The following SLC18B1 variants were observed in gnomAD, a reference collection of about 807,000 sequenced individuals.
SLC18B1 encodes the protein solute carrier family 18 member B1, also known as MFS-type transporter SLC18B1.
Under a neutral mutation model 53.9 loss-of-function variants are expected in SLC18B1, and 62 were observed. The ratio of observed to expected loss-of-function variants is 1.15; its 90% confidence interval spans 0.94 to 1.42. The LOEUF (loss-of-function observed/expected upper bound fraction) is 1.42, where lower values mean the gene tolerates loss of function less well. Among genes scored for constraint, SLC18B1 ranks in the 40% most tolerant of loss-of-function variants. The pLI is 0.00. For synonymous variants in SLC18B1, 217 were observed against 200.9 expected (o/e 1.08, Z -0.68); for missense variants, 598 against 547.3 (o/e 1.09, Z -0.93).
Position 132,770,293 on chromosome 6 carries a change from T to A in SLC18B1, c.1348A>T (p.Thr450Ser). Reference sequence around the variant, plus strand: ...GACTAGGTTTCATTAGGCAAGAGAGTAGTTCGTTCCTCCTCTGTGCTGAGG... The same window carrying A: ...GACTAGGTTTCATTAGGCAAGAGAGAAGTTCGTTCCTCCTCTGTGCTGAGG... ...NILSTEEERTTLLPNET is the reference protein window; with the variant it reads ...NILSTEEERTSLLPNET The change falls in exon 14 of 14, where the codon ACT (threonine) becomes TCT (serine). Residue 450 changes from threonine (T) to serine (S), a missense_variant. Coordinates refer to ENST00000275227, the MANE Select transcript of SLC18B1 (RefSeq NM_052831.3). The A allele has an allele frequency of 6.2e-7, 1 of 1,613,462 alleles. No individual in the cohort carries two copies. The highest frequency in any genetic ancestry group is 8.5e-7 in the Non-Finnish European group (1 of 1,179,626).
rs1196138123 is a variant in SLC18B1 at position 132,792,348 on chromosome 6, G to A, written c.184-2076C>T. 4.1e-5 allele frequency among the ~76,000 whole-genome samples: 4 copies of A among 96,438 alleles called. 2 individuals carry two copies. The highest frequency in any genetic ancestry group is 2.0e-4 in the Admixed American group (2 of 10,210). The allele number at this position is 96,438 out of a possible 152,430, so 63.3% of individuals were successfully genotyped here. On this transcript the variant is annotated intron_variant, in intron 2 of 13. Coordinates refer to ENST00000275227, the MANE Select transcript of SLC18B1 (RefSeq NM_052831.3). ...GGAAGGAAGGAAGGAAGGAAGGAAG[G>A]AAGGAAGGGAAAGAAAGAAAAGAAG...
chr6:132,774,142 T>G, intron 9 of SLC18B1, 80 bp downstream of exon 9: 1 of 878,750 alleles, frequency 1.1e-6, no homozygotes, highest in Non-Finnish European at 1.8e-6. Context: ...AATACTAAAC[T>G]ATACCAATGT....
chr6:132,790,252 G>T lies in SLC18B1; in HGVS notation c.204C>A (p.Ser68Arg). The change falls in exon 3 of 14, where the codon AGC becomes AGA. Residue 68 changes from serine (S) to arginine (R), a missense_variant. Ser to Arg is a moderately radical substitution (Grantham distance 110, BLOSUM62 -1). Transcript: ENST00000275227. ...FPKEAEKKGA[S>R]NTIIGMIFGC... is the part of the protein sequence containing the mutation. The stretch of plus-strand genomic sequence containing the variant: ...CAAAGATCATACCGATAATTGTATT[G>T]CTGGCTCCCTTCTTTTCAGCCTTTA... 1 of 1,563,574 alleles carries T rather than the reference G, an allele frequency of 6.4e-7. No individual in the cohort carries two copies. Among genetic ancestry groups the T allele is most frequent in the Non-Finnish European group, 8.7e-7 (1 of 1,152,530 alleles).
At chr6:132,782,404 G>A (rs1374437171) in intron 6 of SLC18B1, among the ~76,000 whole-genome samples, 1 of 151,964 alleles carries the variant, frequency 6.6e-6, no homozygotes, top group African/African-American at 2.4e-5. Flanking sequence ...ATTTTTTTAT[G>A]GTGAGAACAC....
intron 5 of SLC18B1, among the ~76,000 whole-genome samples, chr6:132,785,125 G>A (rs1458667962): frequency 8.5e-6 from 1 of 118,196 alleles, no homozygotes; most frequent in African/African-American, 5.0e-5. Flanking sequence ...CTCAGTGTGT[G>A]TGTGTGTGTG....
At chr6:132,781,436 G>A (rs1281877703) in intron 6 of SLC18B1, among the ~76,000 whole-genome samples, 1 of 151,952 alleles carries the variant, frequency 6.6e-6, no homozygotes, top group Non-Finnish European at 1.5e-5. Context: ...ACAAAATCTA[G>A]TCCAGTGATC....
intron 2 of SLC18B1, among the ~76,000 whole-genome samples, 181 bp downstream of exon 2, chr6:132,796,801 A>AT (rs1019378130): frequency 2.6e-5 from 4 of 151,896 alleles, no homozygotes; most frequent in Admixed American, 6.6e-5. Flanking sequence ...TTTTGACTGG[A>AT]TTTTTTTTCC....
At position 132,784,057 on chromosome 6, in the gene SLC18B1, T is replaced by G; in HGVS notation, c.534A>C (p.Leu178=). 6.2e-7 allele frequency: 1 copy of G among 1,601,142 alleles called. No individual in the cohort carries two copies. Among genetic ancestry groups the G allele is most frequent in the Non-Finnish European group, 8.5e-7 (1 of 1,175,438 alleles). ...AGCCACCTACAGGAGGACCTAGTAT[T>G]AGCCCCAGTCCAGAAAAAGTCTCAA... ...GSLETFSGLG[L]ILGPPVGGFL... is the part of the protein sequence containing the mutation. The change falls in exon 6 of 14, where the codon CTA becomes CTC. Residue 178 remains leucine (L), a synonymous_variant. Transcript: ENST00000275227.
intron 13 of SLC18B1, among the ~76,000 whole-genome samples, chr6:132,770,643 G>A (rs1780946012): frequency 6.6e-6 from 1 of 152,128 alleles, no homozygotes; most frequent in Admixed American, 6.5e-5. Context: ...GGCTGAGGCA[G>A]GAAAACCGCT....
chr6:132,795,348 G>C (rs187721977), intron 2 of SLC18B1, among the ~76,000 whole-genome samples: 2 of 152,180 alleles, frequency 1.3e-5, no homozygotes, highest in African/African-American at 2.4e-5. Context: ...CTAGAGAAGG[G>C]ACTCATTAAA....
intron 1 of SLC18B1, 35 bp from the exon 2 acceptor site, chr6:132,797,156 T>A: frequency 3.1e-6 from 5 of 1,610,616 alleles, no homozygotes; most frequent in Non-Finnish European, 4.2e-6. Context: ...AGGCATATAA[T>A]TGAGACTACT....
chr6:132,791,842 T>C (rs879566914), intron 2 of SLC18B1, among the ~76,000 whole-genome samples: 2 of 152,198 alleles, frequency 1.3e-5, no homozygotes, highest in Admixed American at 1.3e-4. Flanking sequence ...TTATGCTGTA[T>C]GTCAACTGGA....
At chr6:132,778,532 C>T (rs1439401324) in intron 7 of SLC18B1, among the ~76,000 whole-genome samples, 1 of 152,084 alleles carries the variant, frequency 6.6e-6, no homozygotes. Context: ...CCATATTAAG[C>T]AACTTTGTTG....
intron 5 of SLC18B1, among the ~76,000 whole-genome samples, chr6:132,784,604 T>C (rs1280117480): frequency 6.6e-6 from 1 of 152,218 alleles, no homozygotes; most frequent in African/African-American, 2.4e-5. Context: ...AATTTTCACC[T>C]ATCTCTATCG....
intron 8 of SLC18B1, among the ~76,000 whole-genome samples, chr6:132,775,832 C>CA (rs1781085439): frequency 6.6e-6 from 1 of 152,222 alleles, no homozygotes; most frequent in South Asian, 2.1e-4. Context: ...ATCAAGTCCA[C>CA]AGTAGCCTCT....
chr6:132,771,416 T>C (rs970141115), intron 11 of SLC18B1, among the ~76,000 whole-genome samples: 1 of 152,228 alleles, frequency 6.6e-6, no homozygotes, highest in African/African-American at 2.4e-5. Context: ...TATATTATTC[T>C]ATTCTCAGTA....
At chr6:132,790,769 C>A (rs1781502849) in intron 2 of SLC18B1, among the ~76,000 whole-genome samples, 1 of 152,178 alleles carries the variant, frequency 6.6e-6, no homozygotes, top group Non-Finnish European at 1.5e-5. Context: ...CTGTTTCTGA[C>A]AGTAATACCA....
intron 9 of SLC18B1, among the ~76,000 whole-genome samples, chr6:132,773,414 G>T (rs765343846): frequency 1.3e-5 from 2 of 152,118 alleles, no homozygotes; most frequent in Non-Finnish European, 2.9e-5. Flanking sequence ...GAAAACGTCA[G>T]TACTAAAACT....
At chr6:132,789,325 T>G (rs531737388) in intron 4 of SLC18B1, 37 of 160,178 alleles carry the variant, frequency 2.3e-4, no homozygotes, top group South Asian at 1.8e-3. Context: ...CTACTGAAGC[T>G]GCTAGGGGTC....
Sources: gnomAD v4.1 joint callset for allele counts (sites outside exome capture counted in the v4.1 genomes callset) on GRCh38, gnomAD v4.1.1 for gene constraint, MANE v1.5 for transcripts, NCBI Gene and HGNC (gene_info 2026-07-23, HGNC 2026-07-21) for gene names.